USP6NL: variants seen among roughly 807,000 people sequenced by gnomAD.
USP6NL encodes the protein USP6 N-terminal like, also known as USP6 N-terminal-like protein.
In USP6NL, 26 loss-of-function variants were observed where a neutral mutation model predicts 61.9. The observed-to-expected ratio is 0.42, with a 90% CI of 0.31 to 0.58. The LOEUF (loss-of-function observed/expected upper bound fraction) is 0.58, where lower values mean the gene tolerates loss of function less well. USP6NL is among the 20% of genes least tolerant of loss of function. The pLI is 0.16. For synonymous variants in USP6NL, 432 were observed against 390.1 expected, an observed-to-expected ratio of 1.11 and a Z score of -1.27; for missense variants, 1,114 against 1,034.3, an observed-to-expected ratio of 1.08 and a Z score of -1.06.
chr10:11,484,472 C>A (rs2133236167), intron 13 of USP6NL, among the ~76,000 whole-genome samples: 1 of 151,818 alleles, frequency 6.6e-6, no homozygotes, highest in South Asian at 2.1e-4. Context: ...GGCCATAATG[C>A]ACTGAGGTAG....
At position 11,517,612 on chromosome 10, in the gene USP6NL, CCAGA is replaced by C. The variant is rs558949610; in HGVS notation, c.195+919_195+922del. On this transcript the variant is annotated intron_variant, in intron 5 of 14. Transcript: ENST00000609104. ...TCTAGGTTATGATACTGAGAGAGAA[CCAGA>C]CAGTCACAAGAGAATTCAACTGCAG... Among the ~76,000 whole-genome samples, 43 of 152,278 alleles carry C rather than the reference CCAGA, an allele frequency of 2.8e-4. 1 individual carries two copies. The highest frequency in any genetic ancestry group is 9.9e-4 in the African/African-American group (41 of 41,560).
intron 14 of USP6NL, among the ~76,000 whole-genome samples, chr10:11,472,819 C>CT (rs1021249562): frequency 6.6e-6 from 1 of 152,080 alleles, no homozygotes; most frequent in African/African-American, 2.4e-5. Context: ...ATAGGCTTGA[C>CT]TTTTTTTCCC....
chr10:11,569,484 A>G (rs564504639), intron 2 of USP6NL, among the ~76,000 whole-genome samples: 1 of 152,362 alleles, frequency 6.6e-6, no homozygotes, highest in South Asian at 2.1e-4. Flanking sequence ...AAGTGTAGTA[A>G]TAGAAGCAAA....
At chr10:11,464,265 G>A (rs900865542) in intron 14 of USP6NL, among the ~76,000 whole-genome samples, 2 of 152,132 alleles carry the variant, frequency 1.3e-5, no homozygotes, top group South Asian at 2.1e-4. Flanking sequence ...AGAATTACAC[G>A]ACCTCATGTC....
At chr10:11,484,352 T>C (rs956995752) in intron 13 of USP6NL, among the ~76,000 whole-genome samples, 3 of 151,838 alleles carry the variant, frequency 2.0e-5, no homozygotes, top group Admixed American at 6.6e-5. Flanking sequence ...ATCAAATTTA[T>C]AGAGCCCTTA....
chr10:11,555,415 T>TTA (rs1206562139), intron 2 of USP6NL, among the ~76,000 whole-genome samples: 2 of 26,868 alleles, frequency 7.4e-5, no homozygotes, highest in East Asian at 1.1e-3. Flanking sequence ...AACTCGGTCT[T>TTA]AAAAAAAAAA....
At chr10:11,503,923 T>C (rs1431842012) in intron 6 of USP6NL, among the ~76,000 whole-genome samples, 1 of 152,140 alleles carries the variant, frequency 6.6e-6, no homozygotes, top group Non-Finnish European at 1.5e-5. Flanking sequence ...CCACGGCCCA[T>C]GGTTTTGCCC....
In USP6NL at chr10:11,474,366, A is replaced by C. The variant is rs547327333; in HGVS notation, c.1078+7404T>G. 6.6e-6 allele frequency among the ~76,000 whole-genome samples: 1 copy of C among 152,338 alleles called. No individual in the cohort carries two copies. Among genetic ancestry groups the C allele is most frequent in the East Asian group, 1.9e-4 (1 of 5,194 alleles). Reference sequence around the variant, plus strand: ...AGACTTAAGGTTCAGGATATTCTTAAGGTTGAATTAATTAGATTTGTAAGT... The same window carrying C: ...AGACTTAAGGTTCAGGATATTCTTACGGTTGAATTAATTAGATTTGTAAGT... On this transcript the variant is annotated intron_variant, in intron 14 of 14. Transcript: ENST00000609104. The surrounding 1 kb of genome is among the most constrained non-coding windows in gnomAD (Gnocchi z 4.9).
chr10:11,538,343 G>C (rs1236875269), intron 2 of USP6NL, among the ~76,000 whole-genome samples: 3 of 152,028 alleles, frequency 2.0e-5, no homozygotes, highest in African/African-American at 7.3e-5. Flanking sequence ...GGCCACTGCT[G>C]CTTCTGACCT....
rs1464482024 is a variant in USP6NL at position 11,611,417 on chromosome 10, G to C, written c.-84+26C>G. The C allele has an allele frequency of 1.3e-5, 2 of 152,478 alleles. No individual in the cohort carries two copies. Among genetic ancestry groups the C allele is most frequent in the Admixed American group, 1.3e-4 (2 of 15,254 alleles). 9.4% of individuals were successfully genotyped at this position (152,478 alleles called of 1,614,324 possible). A position where few individuals can be genotyped will look rare whatever the true frequency, so the allele number is the denominator to read the frequency against. On this transcript the variant is annotated intron_variant, in intron 1 of 14. Transcript: ENST00000609104. The surrounding 1 kb of genome is among the most constrained non-coding windows in gnomAD (Gnocchi z 5.3). ...GAGCCCGCCGCCGCCGGCCCCTCAC[G>C]GCGGGAGCTGAGGAATGGAAGTTAC...
At chr10:11,581,605 A>G (rs554555389) in intron 2 of USP6NL, among the ~76,000 whole-genome samples, 2 of 152,384 alleles carry the variant, frequency 1.3e-5, no homozygotes, top group South Asian at 4.1e-4. Flanking sequence ...ATTGTGACAA[A>G]CATAATCTGT....
At chr10:11,565,641 GAA>G (rs759030339) in intron 2 of USP6NL, 5 of 123,188 alleles carry the variant, frequency 4.1e-5, no homozygotes, top group Admixed American at 8.3e-5. Flanking sequence ...GACTCCGTCT[GAA>G]AAAAAAAAAA....
Position 11,585,860 on chromosome 10 carries a change from A to G in USP6NL, c.4+11771T>C, listed in dbSNP as rs1015416595. The stretch of plus-strand genomic sequence containing the variant: ...TAAATACATTGTGCTGAGTTAAACC[A>G]GTTACAAAAATACAAATACTGAATG... On this transcript the variant is annotated intron_variant, in intron 2 of 14. Coordinates refer to ENST00000609104, the MANE Select transcript of USP6NL (RefSeq NM_014688.5). The surrounding 1 kb of genome is among the most constrained non-coding windows in gnomAD (Gnocchi z 4.5). Among the ~76,000 whole-genome samples, 6 of 152,174 alleles carry G rather than the reference A, an allele frequency of 3.9e-5. No homozygotes were observed. Among genetic ancestry groups the G allele is most frequent in the African/African-American group, 1.4e-4 (6 of 41,438 alleles).
At chr10:11,503,434 A>G (rs1834300642) in intron 6 of USP6NL, among the ~76,000 whole-genome samples, 1 of 152,204 alleles carries the variant, frequency 6.6e-6, no homozygotes, top group African/African-American at 2.4e-5. Context: ...AAAAAACTCC[A>G]TCAAATGGCT....
At chr10:11,519,086 T>C (rs1835093200) in intron 4 of USP6NL, among the ~76,000 whole-genome samples, 1 of 149,272 alleles carries the variant, frequency 6.7e-6, no homozygotes. Context: ...TCTGATGTTG[T>C]AGTACAAAAG....
intron 7 of USP6NL, among the ~76,000 whole-genome samples, chr10:11,497,411 CAAA>C (rs11307707): frequency 9.4e-6 from 1 of 106,050 alleles, no homozygotes; most frequent in Non-Finnish European, 1.9e-5. Flanking sequence ...GACTCAGTCT[CAAA>C]AAAAAAAAAA....
Position 11,510,025 on chromosome 10 carries a change from C to A in USP6NL, c.196-350G>T, listed in dbSNP as rs1834631979. Among the ~76,000 whole-genome samples the A allele has an allele frequency of 8.2e-6, 1 of 121,326 alleles. No homozygotes were observed. Among genetic ancestry groups the A allele is most frequent in the Admixed American group, 7.9e-5 (1 of 12,714 alleles). The allele number at this position is 121,326 out of a possible 152,430, so 79.6% of individuals were successfully genotyped here. A position where few individuals can be genotyped will look rare whatever the true frequency, so the allele number is the denominator to read the frequency against. ...AAAAACACTACTTTGAAATTTAATT[C>A]TCTTCTTTCTTATTTTACTGAATTC... On this transcript the variant is annotated intron_variant, in intron 5 of 14. Transcript: ENST00000609104. The surrounding 1 kb of genome is among the most constrained non-coding windows in gnomAD (Gnocchi z 4.8).
At chr10:11,543,594 A>G (rs991755097) in intron 2 of USP6NL, among the ~76,000 whole-genome samples, 15 of 152,070 alleles carry the variant, frequency 9.9e-5, no homozygotes, top group African/African-American at 2.9e-4. Flanking sequence ...ATAATCTACC[A>G]TATATATATT....
intron 5 of USP6NL, among the ~76,000 whole-genome samples, chr10:11,514,272 C>A (rs972950321): frequency 2.0e-5 from 3 of 151,554 alleles, no homozygotes; most frequent in Admixed American, 6.6e-5. Flanking sequence ...AACAACTCTA[C>A]CCAATGGTCT....
Sources: allele counts gnomAD v4.1 joint callset (sites outside exome capture counted in the v4.1 genomes callset), GRCh38; gene constraint gnomAD v4.1.1; non-coding constraint Gnocchi (gnomAD v3.1); transcripts MANE v1.5; gene names NCBI Gene and HGNC (gene_info 2026-07-23, HGNC 2026-07-21).